Variants in BICC1 observed in about 807,000 individuals in gnomAD.
BICC1 encodes the protein protein bicaudal C homolog 1.
Under a neutral mutation model 111.0 loss-of-function variants are expected in BICC1, and 43 were observed. The ratio of observed to expected loss-of-function variants is 0.39; its 90% CI spans 0.30 to 0.50. BICC1 has a LOEUF of 0.50. Ranked by LOEUF, BICC1 falls within the 20% of genes least tolerant of loss-of-function variation. BICC1 has a pLI of 0.88. For missense variants in BICC1, 1,091 were observed against 1,203.2 expected (o/e 0.91, Z 1.38); for synonymous variants, 467 against 434.4 (o/e 1.07, Z -0.93).
chr10:58,574,451 C>T (rs1343036775), intron 1 of BICC1, among the ~76,000 whole-genome samples: 1 of 152,052 alleles, frequency 6.6e-6, no homozygotes, highest in Non-Finnish European at 1.5e-5. Flanking sequence ...TAAACTTTTC[C>T]TTCCCATAAA....
chr10:58,763,391 G>A (rs1441894384), intron 3 of BICC1, among the ~76,000 whole-genome samples: 1 of 152,088 alleles, frequency 6.6e-6, no homozygotes, highest in East Asian at 1.9e-4. Context: ...TCCCAAGACA[G>A]CATCCCAAAG....
At chr10:58,656,562 T>C (rs543478362) in intron 2 of BICC1, among the ~76,000 whole-genome samples, 1 of 151,140 alleles carries the variant, frequency 6.6e-6, no homozygotes, top group East Asian at 1.9e-4. Flanking sequence ...AATCAATAAA[T>C]GTAATCCAGC....
intron 3 of BICC1, among the ~76,000 whole-genome samples, chr10:58,749,397 T>C (rs946869362): frequency 2.2e-4 from 34 of 152,292 alleles, no homozygotes; most frequent in African/African-American, 7.0e-4. Context: ...ATTATTTCTA[T>C]AGAAATTCCA....
chr10:58,671,236 T>C (rs1839174858), intron 2 of BICC1, among the ~76,000 whole-genome samples: 1 of 152,158 alleles, frequency 6.6e-6, no homozygotes, highest in African/African-American at 2.4e-5. Flanking sequence ...AAAATAACCA[T>C]TGTTTAAATA....
intron 3 of BICC1, among the ~76,000 whole-genome samples, chr10:58,764,334 G>A (rs1232636161): frequency 6.6e-6 from 1 of 151,952 alleles, no homozygotes; most frequent in East Asian, 1.9e-4. Flanking sequence ...CCATAGAAGT[G>A]GAAACAAATC....
At chr10:58,820,538 T>C in intron 20 of BICC1, 70 bp downstream of exon 20, 1 of 1,141,306 alleles carries the variant, frequency 8.8e-7, no homozygotes, top group Non-Finnish European at 1.3e-6. Context: ...GCCATTGGGT[T>C]GTTTCTACCC....
chr10:58,573,170 G>T (rs1844012617), intron 1 of BICC1, among the ~76,000 whole-genome samples: 1 of 152,012 alleles, frequency 6.6e-6, no homozygotes, highest in Admixed American at 6.6e-5. Context: ...TTCTCCAGTT[G>T]TAAATAGGAC....
At position 58,546,867 on chromosome 10, in the gene BICC1, C is replaced by T. The variant is rs1589084588; in HGVS notation, c.190+33534C>T. ...AATTTAAAAATTAGAAAAAAGATAA[C>T]ATATTGGCCTCCTGCCTTTTAAATA... On this transcript the variant is annotated intron_variant, in intron 1 of 20. Transcript: ENST00000373886. Among the ~76,000 whole-genome samples, 5 of 152,174 alleles carry T rather than the reference C, an allele frequency of 3.3e-5. No homozygotes were observed. The East Asian group carries it at 9.6e-4, about 29-fold the overall frequency.
intron 1 of BICC1, among the ~76,000 whole-genome samples, chr10:58,574,892 A>G (rs1844062556): frequency 1.3e-5 from 2 of 152,144 alleles, no homozygotes; most frequent in Non-Finnish European, 2.9e-5. Flanking sequence ...CTTCTTCTGC[A>G]TTCAATCTGT....
intron 2 of BICC1, among the ~76,000 whole-genome samples, chr10:58,677,621 ACTTCAGGCTGTT>A (rs765084138): frequency 1.6e-4 from 25 of 152,200 alleles, no homozygotes; most frequent in Non-Finnish European, 2.8e-4. Flanking sequence ...TGGAAAACAC[ACTTCAGGCTGTT>A]CTCCAGGAGA....
intron 1 of BICC1, among the ~76,000 whole-genome samples, chr10:58,597,144 T>G (rs1844842622): frequency 6.6e-6 from 1 of 152,046 alleles, no homozygotes; most frequent in Non-Finnish European, 1.5e-5. Context: ...ATAAAGACAG[T>G]ACAAAGAGAG....
intron 20 of BICC1, chr10:58,824,175 C>A: frequency 1.2e-6 from 1 of 813,574 alleles, no homozygotes; most frequent in Non-Finnish European, 1.5e-6. Context: ...TCACTGAAGG[C>A]CAGTGCTCAG....
chr10:58,518,933 A>C (rs988257937), intron 1 of BICC1, among the ~76,000 whole-genome samples: 1 of 152,200 alleles, frequency 6.6e-6, no homozygotes, highest in Non-Finnish European at 1.5e-5. Context: ...GAAGTTGATC[A>C]TTGATAAATA....
intron 2 of BICC1, among the ~76,000 whole-genome samples, chr10:58,643,735 C>G (rs373692287): frequency 1.3e-5 from 2 of 152,190 alleles, no homozygotes; most frequent in African/African-American, 4.8e-5. Context: ...ATCTGAGCTT[C>G]CTCCATGGCC....
intron 14 of BICC1, among the ~76,000 whole-genome samples, chr10:58,802,053 A>G (rs75181386): frequency 0.011 from 1,605 of 152,276 alleles, 31 homozygotes; most frequent in African/African-American, 0.036. Flanking sequence ...AGCTTGATCT[A>G]TCCTTTATTT....
intron 2 of BICC1, among the ~76,000 whole-genome samples, chr10:58,686,068 A>T (rs1158782320): frequency 6.6e-6 from 1 of 152,190 alleles, no homozygotes; most frequent in East Asian, 1.9e-4. Context: ...TGGTGGTGAC[A>T]AAATCTCTCA....
intron 2 of BICC1, among the ~76,000 whole-genome samples, chr10:58,656,557 A>G (rs1050288620): frequency 6.6e-6 from 1 of 150,970 alleles, no homozygotes; most frequent in African/African-American, 2.4e-5. Flanking sequence ...ACGCAAATCA[A>G]TAAATGTAAT....
At chr10:58,591,387 A>C (rs1031591879) in intron 1 of BICC1, among the ~76,000 whole-genome samples, 1 of 152,160 alleles carries the variant, frequency 6.6e-6, no homozygotes, top group Non-Finnish European at 1.5e-5. Flanking sequence ...GTCTATAATG[A>C]ACAAAAATTC....
chr10:58,560,502 A>AC (rs558812680), intron 1 of BICC1, among the ~76,000 whole-genome samples: 25 of 151,950 alleles, frequency 1.6e-4, no homozygotes, highest in South Asian at 6.2e-4. Context: ...ATCTCTTCAA[A>AC]CAACTGTATT....
Sources: allele counts gnomAD v4.1 joint callset (sites outside exome capture counted in the v4.1 genomes callset), GRCh38; gene constraint gnomAD v4.1.1; transcripts MANE v1.5; gene names NCBI Gene and HGNC (gene_info 2026-07-23, HGNC 2026-07-21).